Variants in TRIM33 observed in about 807,000 individuals in gnomAD.
TRIM33 encodes the protein E3 ubiquitin-protein ligase TRIM33.
A neutral mutation model predicts 125.4 loss-of-function variants in TRIM33; 20 were observed. The observed-to-expected ratio is 0.16, with a 90% CI of 0.11 to 0.23. The LOEUF is 0.23. Ranked by LOEUF, TRIM33 falls within the 10% of genes least tolerant of loss-of-function variation. The pLI is 1.00. For missense variants in TRIM33, 920 were observed against 1,411.4 expected (o/e 0.65, Z 5.58); for synonymous variants, 564 against 513.9 (o/e 1.10, Z -1.32).
intron 10 of TRIM33, among the ~76,000 whole-genome samples, 181 bp from the exon 11 acceptor site, chr1:114,421,817 T>C (rs189597112): frequency 2.6e-5 from 4 of 152,320 alleles, no homozygotes; most frequent in Admixed American, 1.3e-4. Flanking sequence ...CATTTTTGTA[T>C]AGTATCTAGG....
At chr1:114,417,172 G>A (rs1368357706) in intron 11 of TRIM33, among the ~76,000 whole-genome samples, 3 of 152,158 alleles carry the variant, frequency 2.0e-5, no homozygotes, top group African/African-American at 7.2e-5. Flanking sequence ...CAGAGACAAA[G>A]TAGATTAGTG....
intron 1 of TRIM33, among the ~76,000 whole-genome samples, chr1:114,467,516 C>A (rs1411967580): frequency 2.0e-5 from 3 of 152,118 alleles, no homozygotes; most frequent in African/African-American, 7.2e-5. Context: ...AGGACAATAA[C>A]CCTTGTTACA....
intron 1 of TRIM33, among the ~76,000 whole-genome samples, chr1:114,497,631 C>A (rs1014847212): frequency 6.6e-6 from 1 of 152,090 alleles, no homozygotes; most frequent in Admixed American, 6.6e-5. Flanking sequence ...ACAAAATATT[C>A]TTTTTTCCCA....
chr1:114,504,959 G>A (rs537179983), intron 1 of TRIM33, among the ~76,000 whole-genome samples: 9 of 152,200 alleles, frequency 5.9e-5, no homozygotes, highest in African/African-American at 1.2e-4. Flanking sequence ...ACAACGGGGG[G>A]ACAAATGAAA....
intron 11 of TRIM33, among the ~76,000 whole-genome samples, chr1:114,413,628 T>TAA (rs34538412): frequency 0.051 from 2,603 of 50,750 alleles, 89 homozygotes; most frequent in African/African-American, 0.065. Flanking sequence ...AGCAAAACTG[T>TAA]AAAAAAAAAA....
At position 114,393,212 on chromosome 1, in the gene TRIM33, A is replaced by T. The variant is rs911169642; in HGVS notation, c.*4436T>A. On this transcript the variant is annotated 3_prime_UTR_variant, in exon 20 of 20. Coordinates refer to ENST00000358465, the MANE Select transcript of TRIM33 (RefSeq NM_015906.4). ...GAATTTAACCCTTTCGTGTGTAGGT[A>T]TGTCTACATAAAAAATTAACAGGCT... The T allele has an allele frequency of 3.3e-4, 70 of 212,562 alleles. No individual in the cohort carries two copies. The East Asian group carries it at 4.9e-3, about 15-fold the overall frequency. 13.2% of individuals were successfully genotyped at this position (212,562 alleles called of 1,614,324 possible). A position where few individuals can be genotyped will look rare whatever the true frequency, so the allele number is the denominator to read the frequency against.
At chr1:114,454,281 T>C (rs950719039) in intron 4 of TRIM33, among the ~76,000 whole-genome samples, 7 of 152,172 alleles carry the variant, frequency 4.6e-5, no homozygotes, top group Non-Finnish European at 1.0e-4. Context: ...TATGGTTGTA[T>C]AACTGCAGCT....
chr1:114,495,042 T>C (rs898341649), intron 1 of TRIM33, among the ~76,000 whole-genome samples: 4 of 151,880 alleles, frequency 2.6e-5, no homozygotes, highest in Non-Finnish European at 5.9e-5. Flanking sequence ...GCCTCCCGGG[T>C]AGCTGGGATT....
chr1:114,421,673 C>T, intron 10 of TRIM33, 37 bp from the exon 11 acceptor site: 4 of 1,593,644 alleles, frequency 2.5e-6, no homozygotes, highest in Non-Finnish European at 3.4e-6. Context: ...ACTTGATCTG[C>T]CAGAATCGCT....
chr1:114,465,816 C>T (rs1024971559), intron 1 of TRIM33, among the ~76,000 whole-genome samples: 4 of 151,678 alleles, frequency 2.6e-5, no homozygotes, highest in South Asian at 2.1e-4. Context: ...CCGAGGCGGG[C>T]GGATCACGAG....
intron 1 of TRIM33, among the ~76,000 whole-genome samples, chr1:114,488,239 T>C (rs1651838590): frequency 6.6e-6 from 1 of 152,120 alleles, no homozygotes; most frequent in Admixed American, 6.5e-5. Context: ...TAAAAAGAAC[T>C]TTAGGTAACT....
At chr1:114,401,551 T>C (rs534296949) in intron 16 of TRIM33, 88 bp from the exon 17 acceptor site, 18 of 1,111,228 alleles carry the variant, frequency 1.6e-5, no homozygotes, top group East Asian at 5.1e-5. Context: ...ACAACAAAGT[T>C]TGATTACAAC....
intron 1 of TRIM33, among the ~76,000 whole-genome samples, chr1:114,473,209 A>C (rs1376760492): frequency 2.0e-5 from 3 of 151,144 alleles, no homozygotes; most frequent in Non-Finnish European, 2.9e-5. Context: ...GTGAGCCGAG[A>C]TCATGCCACT....
Position 114,510,647 on chromosome 1 carries a change from G to T in TRIM33, c.430C>A (p.Pro144Thr). 2 of 1,563,548 alleles carry T rather than the reference G, an allele frequency of 1.3e-6. No homozygotes were observed. The highest frequency in any genetic ancestry group is 1.7e-6 in the Non-Finnish European group (2 of 1,161,496). The change falls in exon 1 of 20, where the codon CCC becomes ACC. Residue 144 changes from proline to threonine, a missense_variant. This residue lies in a region of TRIM33 where 75 missense variants were observed against 123.9 expected (regional missense o/e 0.61). Transcript: ENST00000358465. The part of the protein sequence containing the change: ...SRREAEPKLL[P>T]CLHSFCLRCL... ...CGCAGGCAGAAGGAGTGAAGACAGG[G>T]CAGCAGCTTGGGCTCCGCCTCACGC...
chr1:114,509,952 T>C (rs2101594248), intron 1 of TRIM33, among the ~76,000 whole-genome samples: 1 of 152,280 alleles, frequency 6.6e-6, no homozygotes, highest in East Asian at 1.9e-4. Context: ...CCCCAAACCT[T>C]AGGATTTTCC....
rs745759989 is a variant in TRIM33, at chr1:114,464,307, G to C, written c.608C>G (p.Ser203Cys). The C allele has an allele frequency of 6.2e-7, 1 of 1,610,234 alleles. No homozygotes were observed. Among genetic ancestry groups the C allele is most frequent in the South Asian group, 1.1e-5 (1 of 90,242 alleles). Residue 203 changes from serine to cysteine, a missense_variant, in exon 2 of 20, where the codon TCT becomes TGT. Transcript: ENST00000358465. ...LVDNYFVKDT[S>C]EAPSSSDEKS... Reference sequence around the variant, plus strand: ...TTCATCAGAACTGCTAGGAGCTTCAGATGTGTCTTTCACAAAATAATTATC... The same window carrying C: ...TTCATCAGAACTGCTAGGAGCTTCACATGTGTCTTTCACAAAATAATTATC...
At chr1:114,432,853 C>CT (rs1219403982) in intron 5 of TRIM33, among the ~76,000 whole-genome samples, 1 of 151,932 alleles carries the variant, frequency 6.6e-6, no homozygotes, top group African/African-American at 2.4e-5. Flanking sequence ...TTATTTAATA[C>CT]TTTTGAGCAT....
intron 4 of TRIM33, among the ~76,000 whole-genome samples, chr1:114,460,518 G>C (rs1231736981): frequency 6.9e-6 from 1 of 144,602 alleles, no homozygotes; most frequent in Non-Finnish European, 1.5e-5. Context: ...TCCCAAATAA[G>C]CCTGTTTCAA....
intron 1 of TRIM33, among the ~76,000 whole-genome samples, chr1:114,470,724 G>A (rs1271794759): frequency 6.6e-6 from 1 of 152,162 alleles, no homozygotes; most frequent in Non-Finnish European, 1.5e-5. Flanking sequence ...TAGTGAGAAG[G>A]CATATCAAAA....
Sources: gnomAD v4.1 joint callset for allele counts (sites outside exome capture counted in the v4.1 genomes callset) on GRCh38, gnomAD v4.1.1 for gene constraint, gnomAD v4.1.1 regional missense constraint, MANE v1.5 for transcripts, NCBI Gene and HGNC (gene_info 2026-07-23, HGNC 2026-07-21) for gene names.